CSMD1: variants seen among roughly 807,000 people sequenced by gnomAD.
The protein encoded by CSMD1 is CUB and Sushi multiple domains 1.
Under a neutral mutation model 417.5 loss-of-function variants are expected in CSMD1, and 213 were observed. The ratio of observed to expected loss-of-function variants is 0.51; its 90% CI spans 0.46 to 0.57. The LOEUF (loss-of-function observed/expected upper bound fraction) is 0.57. Among genes scored for constraint, CSMD1 ranks in the 20% least tolerant of loss-of-function variants. The pLI, the probability that CSMD1 is intolerant of heterozygous loss-of-function variation, is 0.00. For synonymous variants in CSMD1, 2,862 were observed against 1,736.8 expected, an observed-to-expected ratio of 1.65 and a Z score of -16.11; for missense variants, 6,923 against 4,529.7, an observed-to-expected ratio of 1.53 and a Z score of -15.17.
intron 12 of CSMD1, among the ~76,000 whole-genome samples, chr8:3,411,936 A>G (rs1279594143): frequency 5.7e-5 from 7 of 123,078 alleles, no homozygotes; most frequent in African/African-American, 9.3e-5. Flanking sequence ...ATATACACGT[A>G]TATATGCACG....
chr8:2,960,433 T>A (rs74521778), intron 62 of CSMD1, among the ~76,000 whole-genome samples: 1 of 152,148 alleles, frequency 6.6e-6, no homozygotes, highest in African/African-American at 2.4e-5. Context: ...GATCCCTATA[T>A]AATTAACTTT....
chr8:3,869,187 G>A (rs746951547), intron 5 of CSMD1, among the ~76,000 whole-genome samples: 1 of 152,106 alleles, frequency 6.6e-6, no homozygotes, highest in Non-Finnish European at 1.5e-5. Flanking sequence ...GCACCCTGAG[G>A]CTTCTGCACT....
At chr8:4,736,344 T>C (rs1409244798) in intron 1 of CSMD1, among the ~76,000 whole-genome samples, 1 of 152,098 alleles carries the variant, frequency 6.6e-6, no homozygotes, top group Non-Finnish European at 1.5e-5. Context: ...ATTCAGATAA[T>C]AAGGAGATCA....
intron 3 of CSMD1, among the ~76,000 whole-genome samples, chr8:4,096,177 T>G (rs1003936022): frequency 6.6e-6 from 1 of 152,152 alleles, no homozygotes; most frequent in Non-Finnish European, 1.5e-5. Context: ...GATCAGTTTT[T>G]CTCTTCAAAA....
intron 25 of CSMD1, among the ~76,000 whole-genome samples, chr8:3,288,151 GC>G (rs928003269): frequency 1.4e-5 from 2 of 147,350 alleles, no homozygotes; most frequent in African/African-American, 5.4e-5. Flanking sequence ...CAGGGATGAA[GC>G]CCACTTGATC....
At chr8:3,440,252 T>A (rs1814884904) in intron 12 of CSMD1, among the ~76,000 whole-genome samples, 2 of 152,338 alleles carry the variant, frequency 1.3e-5, no homozygotes, top group Non-Finnish European at 2.9e-5. Context: ...AGATTTGAGA[T>A]CTTTACTCTG....
rs960504611 is a variant in CSMD1 at position 4,836,240 on chromosome 8, A to C, written c.85+158092T>G. ...GTATTAGATAGGTTAATTAACTACC[A>C]TGACTCATTTTTCAAATTATAACGT... On this transcript the variant is annotated intron_variant, in intron 1 of 69. Coordinates refer to ENST00000635120, the MANE Select transcript of CSMD1 (RefSeq NM_033225.6). 4.6e-5 allele frequency among the ~76,000 whole-genome samples: 7 copies of C among 152,342 alleles called. No homozygotes were observed. In the East Asian group the frequency reaches 1.4e-3, roughly 29 times the overall value.
At chr8:4,502,087 C>T (rs556845497) in intron 2 of CSMD1, among the ~76,000 whole-genome samples, 2 of 152,184 alleles carry the variant, frequency 1.3e-5, no homozygotes, top group Non-Finnish European at 1.5e-5. Context: ...CATATGTTAC[C>T]TACAAACCTA....
At position 4,457,595 on chromosome 8, in the gene CSMD1, C is replaced by A. The variant is rs74501621; in HGVS notation, c.303-37530G>T. ...GTCTCTGAGCTTCAAATGCACCCTA[C>A]ATTGCTACTTAATCATAATGGAGCC... On this transcript the variant is annotated intron_variant, in intron 2 of 69. Coordinates refer to ENST00000635120, the MANE Select transcript of CSMD1 (RefSeq NM_033225.6). Among the ~76,000 whole-genome samples, 773 of 152,170 alleles carry A rather than the reference C, an allele frequency of 5.1e-3. 1 individual carries two copies. The highest frequency in any genetic ancestry group is 0.018 in the African/African-American group (727 of 41,508).
chr8:4,214,808 G>C (rs1380383527), intron 3 of CSMD1, among the ~76,000 whole-genome samples: 1 of 152,098 alleles, frequency 6.6e-6, no homozygotes, highest in Non-Finnish European at 1.5e-5. Flanking sequence ...TTTAAGAGAA[G>C]CTCAAAAATA....
chr8:3,729,584 G>C (rs893309813), intron 6 of CSMD1, among the ~76,000 whole-genome samples: 1 of 152,126 alleles, frequency 6.6e-6, no homozygotes, highest in African/African-American at 2.4e-5. Context: ...AAGACTTCAT[G>C]ACAACCTGCT....
chr8:3,950,375 C>A (rs1811523016), intron 5 of CSMD1, among the ~76,000 whole-genome samples: 1 of 152,208 alleles, frequency 6.6e-6, no homozygotes, highest in Non-Finnish European at 1.5e-5. Flanking sequence ...ACAGGGAAAA[C>A]TCTCCGGTAC....
intron 3 of CSMD1, among the ~76,000 whole-genome samples, chr8:4,041,719 T>C (rs1015621879): frequency 6.6e-6 from 1 of 152,136 alleles, no homozygotes; most frequent in Non-Finnish European, 1.5e-5. Flanking sequence ...TTAAAACTGT[T>C]ATTAGAACTG....
intron 17 of CSMD1, among the ~76,000 whole-genome samples, chr8:3,394,012 TTATA>T (rs1175905929): frequency 2.1e-3 from 67 of 31,564 alleles, no homozygotes; most frequent in Admixed American, 3.5e-3. Context: ...AAAAAATAAA[TTATA>T]TATATATATA....
At position 4,896,995 on chromosome 8, in the gene CSMD1, T is replaced by G. The variant is rs145530984; in HGVS notation, c.85+97337A>C. Among the ~76,000 whole-genome samples the G allele has an allele frequency of 1.3e-3, 200 of 152,236 alleles. 2 individuals carry two copies. The highest frequency in any genetic ancestry group is 6.8e-3 in the Middle Eastern group (2 of 294). ...TCTTTCATTTTTGTGATGTGTCTCGTTTTTTACACTGACTTCTCTTTTCCC... is the reference window on the plus strand; with the variant it reads ...TCTTTCATTTTTGTGATGTGTCTCGGTTTTTACACTGACTTCTCTTTTCCC... On this transcript the variant is annotated intron_variant, in intron 1 of 69. Coordinates refer to ENST00000635120, the MANE Select transcript of CSMD1 (RefSeq NM_033225.6).
intron 2 of CSMD1, among the ~76,000 whole-genome samples, chr8:4,596,433 T>C (rs887580142): frequency 6.6e-6 from 1 of 152,152 alleles, no homozygotes; most frequent in Non-Finnish European, 1.5e-5. Context: ...TAAACAAATA[T>C]AGCAATTTTG....
chr8:3,481,534 C>G (rs904518338), intron 11 of CSMD1, among the ~76,000 whole-genome samples: 1 of 152,194 alleles, frequency 6.6e-6, no homozygotes, highest in Non-Finnish European at 1.5e-5. Context: ...TGCTCTCACT[C>G]TAATCCCTCA....
At chr8:4,815,548 T>G (rs1352278227) in intron 1 of CSMD1, among the ~76,000 whole-genome samples, 1 of 151,322 alleles carries the variant, frequency 6.6e-6, no homozygotes, top group African/African-American at 2.4e-5. Context: ...ATACAAAAAT[T>G]AGCCAGGCAT....
chr8:3,557,376 T>C (rs1799203524), intron 10 of CSMD1, among the ~76,000 whole-genome samples: 1 of 152,196 alleles, frequency 6.6e-6, no homozygotes, highest in Non-Finnish European at 1.5e-5. Flanking sequence ...CCATTATTAC[T>C]ATCATTTATT....
Sources: gnomAD v4.1 joint callset for allele counts (sites outside exome capture counted in the v4.1 genomes callset) on GRCh38, gnomAD v4.1.1 for gene constraint, MANE v1.5 for transcripts, NCBI Gene and HGNC (gene_info 2026-07-23, HGNC 2026-07-21) for gene names.